The following LRRC74B variants were observed in gnomAD, a reference collection of about 807,000 sequenced individuals.
The protein encoded by LRRC74B is leucine-rich repeat-containing protein 74B.
In LRRC74B, 30 loss-of-function variants were observed where a neutral mutation model predicts 16.6. That is an observed-to-expected ratio of 1.80 (90% CI 1.35 to 2.45). LRRC74B has a LOEUF of 2.45. Among genes scored for constraint, LRRC74B ranks in the 30% most tolerant of loss-of-function variants. LRRC74B has a pLI of 0.00. For synonymous variants in LRRC74B, 134 were observed against 86.0 expected (o/e 1.56, Z -3.09); for missense variants, 326 against 202.4 (o/e 1.61, Z -3.71).
At chr22:21,058,011 G>C (rs1400702604) in intron 8 of LRRC74B, among the ~76,000 whole-genome samples, 2 of 150,580 alleles carry the variant, frequency 1.3e-5, no homozygotes, top group East Asian at 3.9e-4. Flanking sequence ...TCAGCCTCCT[G>C]AGTAGCCAGG....
chr22:21,053,072 G>A (rs1330447243), intron 5 of LRRC74B, among the ~76,000 whole-genome samples: 2 of 152,162 alleles, frequency 1.3e-5, no homozygotes, highest in Non-Finnish European at 2.9e-5. Flanking sequence ...TCTGGGGCCT[G>A]CTGCTGCTCT....
At chr22:21,052,457 T>C in intron 5 of LRRC74B, 99 bp downstream of exon 5, 1 of 684,678 alleles carries the variant, frequency 1.5e-6, no homozygotes, top group Admixed American at 2.3e-5. Context: ...AAATGAACCT[T>C]GGATCTTTTA....
chr22:21,063,583 C>T (rs536598015), downstream of LRRC74B: 1 of 151,824 alleles, frequency 6.6e-6, no homozygotes, highest in Admixed American at 6.6e-5. Context: ...TGGCACACAC[C>T]TGTGGTCCTG....
intron 2 of LRRC74B, 124 bp downstream of exon 2, chr22:21,047,622 A>G: frequency 1.6e-6 from 1 of 633,158 alleles, no homozygotes; most frequent in East Asian, 2.7e-5. Flanking sequence ...GTCATGCCCT[A>G]CCCTCCACAT....
rs762320908 is a variant in LRRC74B at position 21,058,970 on chromosome 22, G to C, written c.1024-1403G>C. Among the ~76,000 whole-genome samples the C allele has an allele frequency of 6.0e-4, 91 of 152,344 alleles. 1 individual carries two copies. Among genetic ancestry groups the C allele is most frequent in the Admixed American group, 2.7e-3 (41 of 15,292 alleles). On this transcript the variant is annotated intron_variant, in intron 8 of 8. Coordinates refer to ENST00000442047, the Ensembl canonical transcript of LRRC74B. ...TAAACGATCAATCAATAACAAGCCT[G>C]GGATGGGCATGATGGTTCACGCCTA...
At chr22:21,045,994 G>A in exon 1 of LRRC74B, 3 of 717,462 alleles carry the variant, frequency 4.2e-6, no homozygotes, top group Non-Finnish European at 7.8e-6. Flanking sequence ...ACCATGAGGG[G>A]TTCCTGTGAG....
intron 7 of LRRC74B, 31 bp from the exon 8 acceptor site, chr22:21,057,074 C>T: frequency 1.4e-6 from 1 of 716,758 alleles, no homozygotes; most frequent in Non-Finnish European, 2.6e-6. Flanking sequence ...CCGGACCTGG[C>T]TTCTCGCAGC....
downstream of LRRC74B, among the ~76,000 whole-genome samples, chr22:21,061,058 T>C (rs1930785051): frequency 6.6e-6 from 1 of 152,196 alleles, no homozygotes; most frequent in African/African-American, 2.4e-5. Flanking sequence ...CCGGACGCGG[T>C]GGCTCACACT....
rs925246610 is a variant in LRRC74B at position 21,060,453 on chromosome 22, C to T, written c.1104C>T (p.Gly368=). Residue 368 remains glycine, a synonymous_variant, in exon 9 of 9, where the codon GGC becomes GGT. Transcript: ENST00000442047. ...TTCCAGAACTCTGCATAAAGACTGGCGCTTGCAGAGTGGAGTATAAAAAGG... is the reference window on the plus strand; with the variant it reads ...TTCCAGAACTCTGCATAAAGACTGGTGCTTGCAGAGTGGAGTATAAAAAGG... 14 of 716,790 alleles carry T rather than the reference C, an allele frequency of 2.0e-5. 1 individual carries two copies. The highest frequency in any genetic ancestry group is 8.9e-5 in the South Asian group (6 of 67,528). The allele number at this position is 716,790 out of a possible 1,614,324, so 44.4% of individuals were successfully genotyped here. A position where few individuals can be genotyped will look rare whatever the true frequency, so the allele number is the denominator to read the frequency against.
downstream of LRRC74B, chr22:21,063,245 C>T (rs771396485): frequency 3.3e-5 from 5 of 152,104 alleles, no homozygotes; most frequent in Admixed American, 6.6e-5. Flanking sequence ...TATTGAGTCC[C>T]AACTCGGCAC....
chr22:21,047,393 G>C (rs1205198084), exon 2 of LRRC74B: 1 of 717,438 alleles, frequency 1.4e-6, no homozygotes. Flanking sequence ...GGGACACACT[G>C]TACCTGAGGT....
chr22:21,049,515 C>A, intron 4 of LRRC74B: 1 of 201,350 alleles, frequency 5.0e-6, no homozygotes, highest in Non-Finnish European at 1.0e-5. Flanking sequence ...AGAACAGGGA[C>A]CCCCTACTTT....
At chr22:21,047,581 C>A in intron 2 of LRRC74B, 83 bp downstream of exon 2, 1 of 669,964 alleles carries the variant, frequency 1.5e-6, no homozygotes, top group Non-Finnish European at 2.7e-6. Flanking sequence ...CTGTGTCTGT[C>A]CCCTACACTC....
downstream of LRRC74B, chr22:21,063,622 A>G (rs1259351706): frequency 6.6e-6 from 1 of 152,076 alleles, no homozygotes; most frequent in Admixed American, 6.6e-5. Context: ...GCAGTGAGCT[A>G]TGACCATACC....
chr22:21,050,980 CAAAAAAAAAAAA>C (rs56383758), intron 4 of LRRC74B, among the ~76,000 whole-genome samples: 10 of 73,426 alleles, frequency 1.4e-4, no homozygotes, highest in Non-Finnish European at 2.7e-4. Context: ...GACTCCGTCT[CAAAAAAAAAAAA>C]AAAAAAAAAA....
intron 7 of LRRC74B, chr22:21,056,596 G>GCGCGCA (rs1462295221): frequency 2.1e-5 from 3 of 140,230 alleles, no homozygotes; most frequent in South Asian, 2.4e-4. Flanking sequence ...CAAGCTTGGA[G>GCGCGCA]CACACACACA....
At chr22:21,056,889 T>C (rs1930562686) in intron 7 of LRRC74B, 2 of 568,822 alleles carry the variant, frequency 3.5e-6, no homozygotes, top group Admixed American at 3.1e-5. Flanking sequence ...CTTGTGTGTC[T>C]ATATCAATCG....
chr22:21,053,346 C>T lies in LRRC74B; in HGVS notation c.733-14C>T, dbSNP rs1930220403. 1 of 716,014 alleles carries T rather than the reference C, an allele frequency of 1.4e-6. No homozygotes were observed. The highest frequency in any genetic ancestry group is 2.6e-6 in the Non-Finnish European group (1 of 384,420). 44.4% of individuals were successfully genotyped at this position (716,014 alleles called of 1,614,324 possible). ...TCAGATGGGGTCCCATGACTTCACTCTTTGGTATTCTAGGCAAACATCTTC... is the reference window on the plus strand; with the variant it reads ...TCAGATGGGGTCCCATGACTTCACTTTTTGGTATTCTAGGCAAACATCTTC... On this transcript the variant is annotated splice_polypyrimidine_tract_variant and intron_variant, in intron 5 of 8. Transcript: ENST00000442047.
At chr22:21,048,083 G>A (rs77133550) in intron 3 of LRRC74B, 67 bp downstream of exon 3, 16,500 of 709,954 alleles carry the variant, frequency 0.023, 484 homozygotes, top group African/African-American at 0.095. Flanking sequence ...TGCCTCCATC[G>A]TTGAAAGCTG....
Sources: allele counts gnomAD v4.1 joint callset (sites outside exome capture counted in the v4.1 genomes callset), GRCh38; gene constraint gnomAD v4.1.1; transcripts MANE v1.5; gene names NCBI Gene and HGNC (gene_info 2026-07-23, HGNC 2026-07-21).